CACNG2: variants seen among roughly 807,000 people sequenced by gnomAD.
The protein encoded by CACNG2 is calcium voltage-gated channel auxiliary subunit gamma 2, also known as voltage-dependent calcium channel gamma-2 subunit.
A neutral mutation model predicts 25.9 loss-of-function variants in CACNG2; 3 were observed. That is an observed-to-expected ratio of 0.12 (90% confidence interval 0.05 to 0.30). CACNG2 has a LOEUF of 0.30. Among genes scored for constraint, CACNG2 ranks in the 10% least tolerant of loss-of-function variants. CACNG2 has a pLI of 1.00. For missense variants in CACNG2, 341 were observed against 432.5 expected (o/e 0.79, Z 1.88); for synonymous variants, 167 against 173.3 (o/e 0.96, Z 0.29).
intron 1 of CACNG2, among the ~76,000 whole-genome samples, chr22:36,629,354 C>T (rs1338391400): frequency 6.6e-6 from 1 of 152,114 alleles, no homozygotes; most frequent in African/African-American, 2.4e-5. Context: ...GATGGAGATG[C>T]AGAGTGGAAG....
At chr22:36,630,621 C>T (rs926545238) in intron 1 of CACNG2, among the ~76,000 whole-genome samples, 3 of 152,124 alleles carry the variant, frequency 2.0e-5, no homozygotes, top group Admixed American at 1.3e-4. Context: ...AACCTTGAAG[C>T]TTCAGATAGA....
intron 2 of CACNG2, among the ~76,000 whole-genome samples, chr22:36,571,314 G>A (rs528797712): frequency 2.0e-4 from 30 of 152,094 alleles, no homozygotes; most frequent in Middle Eastern, 3.4e-3. Flanking sequence ...AAAATTAGCC[G>A]GGCGTGACGG....
At chr22:36,581,050 CG>C (rs1935408716) in intron 2 of CACNG2, among the ~76,000 whole-genome samples, 1 of 152,172 alleles carries the variant, frequency 6.6e-6, no homozygotes, top group Non-Finnish European at 1.5e-5. Flanking sequence ...AGTCACACCC[CG>C]GTCACCACAG....
chr22:36,566,671 A>G (rs575419080), intron 2 of CACNG2, among the ~76,000 whole-genome samples, 178 bp from the exon 3 acceptor site: 1 of 152,296 alleles, frequency 6.6e-6, no homozygotes, highest in South Asian at 2.1e-4. Flanking sequence ...TGCCCAGCTC[A>G]CAGCCCTGCA....
At chr22:36,571,897 A>G (rs1010139242) in intron 2 of CACNG2, among the ~76,000 whole-genome samples, 1 of 151,922 alleles carries the variant, frequency 6.6e-6, no homozygotes, top group Non-Finnish European at 1.5e-5. Context: ...AAAAAAAAAA[A>G]AAGAATTAAA....
intron 1 of CACNG2, among the ~76,000 whole-genome samples, chr22:36,592,235 C>T (rs1471573456): frequency 1.4e-3 from 4 of 2,866 alleles, no homozygotes; most frequent in Non-Finnish European, 2.7e-3. Flanking sequence ...AGTGCAAAGG[C>T]GGGGGTGGGG....
intron 1 of CACNG2, among the ~76,000 whole-genome samples, chr22:36,680,282 C>A (rs1937088187): frequency 1.3e-5 from 2 of 151,418 alleles, no homozygotes; most frequent in South Asian, 4.2e-4. Context: ...ACCACCATCA[C>A]CACCACCTTC....
intron 1 of CACNG2, among the ~76,000 whole-genome samples, chr22:36,590,591 C>G (rs534641594): frequency 1.4e-4 from 21 of 152,304 alleles, no homozygotes; most frequent in African/African-American, 4.8e-4. Context: ...GCACCGCCCA[C>G]TACCAGGCCA....
chr22:36,612,196 C>T (rs981168157), intron 1 of CACNG2, among the ~76,000 whole-genome samples: 8 of 152,132 alleles, frequency 5.3e-5, no homozygotes, highest in South Asian at 2.1e-4. Flanking sequence ...GCCATGACCT[C>T]GGGTAAGACA....
intron 1 of CACNG2, among the ~76,000 whole-genome samples, chr22:36,648,481 C>T (rs145832802): frequency 1.6e-4 from 24 of 152,236 alleles, no homozygotes; most frequent in South Asian, 6.2e-4. Flanking sequence ...GCCCTCTGGC[C>T]GTCAGTTCTC....
chr22:36,668,481 G>A (rs9610561), intron 1 of CACNG2, among the ~76,000 whole-genome samples: 34,474 of 150,610 alleles, frequency 0.23, 4,247 homozygotes, highest in Middle Eastern at 0.32. Context: ...GCCTGAGAAC[G>A]AGGGGAGTGA....
At chr22:36,586,160 C>G (rs1224296710) in intron 2 of CACNG2, among the ~76,000 whole-genome samples, 1 of 152,244 alleles carries the variant, frequency 6.6e-6, no homozygotes, top group African/African-American at 2.4e-5. Context: ...CCCTCCCTGC[C>G]AGGCTGTGCT....
chr22:36,611,080 TTAATTAGATC>T (rs1468893163), intron 1 of CACNG2, among the ~76,000 whole-genome samples: 3 of 152,220 alleles, frequency 2.0e-5, no homozygotes, highest in Non-Finnish European at 4.4e-5. Context: ...ATGTCGGAAC[TTAATTAGATC>T]CACAATGCAC....
chr22:36,590,483 C>T (rs985188319), intron 1 of CACNG2, among the ~76,000 whole-genome samples: 11 of 152,294 alleles, frequency 7.2e-5, no homozygotes, highest in African/African-American at 2.6e-4. Context: ...TCAGCGCTGA[C>T]ATCTATCTCT....
rs1375388301 is a variant in CACNG2 at position 36,668,488 on chromosome 22, G to C, written c.211+33878C>G. Among the ~76,000 whole-genome samples the C allele has an allele frequency of 5.1e-5, 7 of 136,832 alleles. No individual in the cohort carries two copies. In the East Asian group the frequency reaches 1.5e-3, roughly 30 times the overall value. The allele number at this position is 136,832 out of a possible 152,430, so 89.8% of individuals were successfully genotyped here. A position where few individuals can be genotyped will look rare whatever the true frequency, so the allele number is the denominator to read the frequency against. On this transcript the variant is annotated intron_variant, in intron 1 of 3. Coordinates refer to ENST00000300105, the MANE Select transcript of CACNG2 (RefSeq NM_006078.5). Reference sequence around the variant, plus strand: ...GACCAAACGCCTGAGAACGAGGGGAGTGAATTTTTTTTTTTTTTGAGATAG... The same window carrying C: ...GACCAAACGCCTGAGAACGAGGGGACTGAATTTTTTTTTTTTTTGAGATAG...
intron 1 of CACNG2, among the ~76,000 whole-genome samples, chr22:36,617,075 A>G (rs1431464887): frequency 6.6e-6 from 1 of 152,200 alleles, no homozygotes; most frequent in African/African-American, 2.4e-5. Flanking sequence ...TGGGTTTTCA[A>G]TGAAGTCTCT....
intron 1 of CACNG2, among the ~76,000 whole-genome samples, chr22:36,647,323 C>T (rs111903107): frequency 0.12 from 18,538 of 152,068 alleles, 1,546 homozygotes; most frequent in East Asian, 0.17. Context: ...GGGCCAGGTG[C>T]GGTGGCTCAC....
At chr22:36,589,576 A>G (rs1935555830) in intron 1 of CACNG2, among the ~76,000 whole-genome samples, 1 of 152,182 alleles carries the variant, frequency 6.6e-6, no homozygotes, top group Admixed American at 6.5e-5. Context: ...CAAATTCACT[A>G]ACTTTCTTGA....
chr22:36,657,680 C>T (rs1936728235), intron 1 of CACNG2, among the ~76,000 whole-genome samples: 1 of 152,068 alleles, frequency 6.6e-6, no homozygotes, highest in South Asian at 2.1e-4. Flanking sequence ...TTTATAAATC[C>T]TAGAACTTTT....
Sources: allele counts gnomAD v4.1 joint callset (sites outside exome capture counted in the v4.1 genomes callset), GRCh38; gene constraint gnomAD v4.1.1; transcripts MANE v1.5; gene names NCBI Gene and HGNC (gene_info 2026-07-23, HGNC 2026-07-21).